The following CELF6 variants were observed in gnomAD, a reference collection of about 807,000 sequenced individuals.
CELF6 encodes CUGBP Elav-like family member 6, also known as Bruno -like 6, RNA binding protein.
Under a neutral mutation model 53.1 loss-of-function variants are expected in CELF6, and 32 were observed. The ratio of observed to expected loss-of-function variants is 0.60; its 90% confidence interval spans 0.46 to 0.81. The LOEUF (loss-of-function observed/expected upper bound fraction) is 0.81. Ranked by LOEUF, CELF6 falls within the 30% of genes least tolerant of loss-of-function variation. The pLI is 0.00. For missense variants in CELF6, 539 were observed against 669.5 expected (o/e 0.81, Z 2.15); for synonymous variants, 291 against 288.8 (o/e 1.01, Z -0.08).
intron 2 of CELF6, among the ~76,000 whole-genome samples, chr15:72,307,192 TCC>T (rs1324537409): frequency 1.3e-5 from 2 of 152,134 alleles, no homozygotes; most frequent in Non-Finnish European, 2.9e-5. Flanking sequence ...GGCAGCTGCC[TCC>T]CTGGCTGGGT....
intron 1 of CELF6, among the ~76,000 whole-genome samples, chr15:72,318,412 C>T (rs750982459): frequency 2.1e-4 from 32 of 152,316 alleles, no homozygotes; most frequent in Middle Eastern, 3.4e-3. Context: ...CCACTCCTCT[C>T]TTAGGAAGAT....
chr15:72,310,348 C>G (rs1286101786), intron 2 of CELF6, among the ~76,000 whole-genome samples: 1 of 152,056 alleles, frequency 6.6e-6, no homozygotes, highest in Admixed American at 6.6e-5. Context: ...CTGTCAAGTC[C>G]CATTGGTTCT....
chr15:72,314,462 G>GTAT (rs2140307062), intron 2 of CELF6, among the ~76,000 whole-genome samples: 1 of 152,074 alleles, frequency 6.6e-6, no homozygotes, highest in African/African-American at 2.4e-5. Context: ...CTAGGTGTTA[G>GTAT]TATAACCCAC....
chr15:72,312,112 C>T (rs1388782359), intron 2 of CELF6, among the ~76,000 whole-genome samples: 1 of 152,070 alleles, frequency 6.6e-6, no homozygotes, highest in African/African-American at 2.4e-5. Flanking sequence ...GAGGCTAGGC[C>T]TCACCCTCTT....
intron 11 of CELF6, 75 bp from the exon 12 acceptor site, chr15:72,287,467 C>T (rs192243214): frequency 1.6e-4 from 255 of 1,561,098 alleles, no homozygotes; most frequent in Non-Finnish European, 1.6e-4. Flanking sequence ...CCAGCCCCCT[C>T]CTCTTCCAGC....
rs1188220792 is a variant in CELF6, at chr15:72,288,743, G to C, written c.1093+125C>G. On this transcript the variant is annotated intron_variant, in intron 9 of 12. Transcript: ENST00000287202. The surrounding 1 kb of genome is among the most constrained non-coding windows in gnomAD (Gnocchi z 4.6). ...CATAACCCTCACCCCAAGAGAGGTCGTTCTGGGGGTAGGAGGGGATGGGAG... is the reference window on the plus strand; with the variant it reads ...CATAACCCTCACCCCAAGAGAGGTCCTTCTGGGGGTAGGAGGGGATGGGAG... The C allele has an allele frequency of 2.2e-6, 3 of 1,344,118 alleles. No individual in the cohort carries two copies. Among genetic ancestry groups the C allele is most frequent in the African/African-American group, 1.4e-5 (1 of 69,170 alleles). The allele number at this position is 1,344,118 out of a possible 1,614,324, so 83.3% of individuals were successfully genotyped here.
At chr15:72,311,568 A>G (rs995707429) in intron 2 of CELF6, among the ~76,000 whole-genome samples, 2 of 149,162 alleles carry the variant, frequency 1.3e-5, no homozygotes, top group African/African-American at 2.5e-5. Flanking sequence ...ACGCCCTGCT[A>G]ATTTTTTGTA....
At chr15:72,308,359 C>T (rs2088256697) in intron 2 of CELF6, among the ~76,000 whole-genome samples, 1 of 152,092 alleles carries the variant, frequency 6.6e-6, no homozygotes. Context: ...TCCCGAGTAG[C>T]TGGGATTACA....
At chr15:72,301,677 C>T (rs988694205) in intron 3 of CELF6, among the ~76,000 whole-genome samples, 4 of 151,484 alleles carry the variant, frequency 2.6e-5, no homozygotes, top group Admixed American at 6.6e-5. Flanking sequence ...CGCTGTTCCA[C>T]GTTGTTGCCA....
chr15:72,318,285 G>A lies in CELF6; in HGVS notation c.262+1328C>T, dbSNP rs563078653. On this transcript the variant is annotated intron_variant, in intron 1 of 12. Transcript: ENST00000287202. ...CTAGCTCTTCTATTGGCATTTTCTC[G>A]AAGTGCCTACATTAGTGTGCCAAGG... is the stretch of plus-strand genomic sequence containing the variant. 4.6e-5 allele frequency among the ~76,000 whole-genome samples: 7 copies of A among 152,224 alleles called. No homozygotes were observed. In the South Asian group the frequency reaches 8.3e-4, roughly 18 times the overall value.
chr15:72,300,725 T>A (rs751305528), intron 3 of CELF6, among the ~76,000 whole-genome samples: 2 of 152,000 alleles, frequency 1.3e-5, no homozygotes, highest in Non-Finnish European at 2.9e-5. Flanking sequence ...TCACAGCTAC[T>A]CAGGAGGCTG....
Position 72,287,344 on chromosome 15 carries a change from G to T in CELF6, c.1367C>A (p.Ala456Glu). 4 of 1,614,050 alleles carry T rather than the reference G, an allele frequency of 2.5e-6. No individual in the cohort carries two copies. Among genetic ancestry groups the T allele is most frequent in the Non-Finnish European group, 2.5e-6 (3 of 1,179,946 alleles). Reference protein sequence around the residue: ...NPTSAQTAIQAMNGFQIGMKR... With the variant: ...NPTSAQTAIQEMNGFQIGMKR... ...CATGCCAATTTGAAAGCCATTCATCGCCTGAATAGCAGTCTGGGCACTAGT... is the reference window on the plus strand; with the variant it reads ...CATGCCAATTTGAAAGCCATTCATCTCCTGAATAGCAGTCTGGGCACTAGT... The change falls in exon 12 of 13, where the codon GCG (alanine) becomes GAG (glutamate). Residue 456 changes from alanine (A) to glutamate (E), a missense_variant. Coordinates refer to ENST00000287202, the MANE Select transcript of CELF6 (RefSeq NM_052840.5).
intron 2 of CELF6, chr15:72,306,079 C>T (rs1175361208): frequency 6.1e-6 from 6 of 984,758 alleles, no homozygotes; most frequent in African/African-American, 3.5e-5. Flanking sequence ...TTCAATATAT[C>T]GCCCCCACAT....
intron 2 of CELF6, chr15:72,306,352 T>A: frequency 1.0e-6 from 1 of 952,490 alleles, no homozygotes. Context: ...TCTGACCCCC[T>A]CCCCTCAGGA....
intron 3 of CELF6, among the ~76,000 whole-genome samples, chr15:72,303,879 A>G (rs2088190136): frequency 1.3e-5 from 2 of 152,046 alleles, no homozygotes; most frequent in Non-Finnish European, 2.9e-5. Flanking sequence ...TTGTTTTGAT[A>G]CAGAGTCATG....
chr15:72,315,946 G>A lies in CELF6; in HGVS notation c.263-19C>T, dbSNP rs1445714238. 1.9e-6 allele frequency: 3 copies of A among 1,567,120 alleles called. No homozygotes were observed. The highest frequency in any genetic ancestry group is 2.6e-6 in the Non-Finnish European group (3 of 1,149,616). ...GCACAGCCTGAGGAGGAAGAGGCTG[G>A]CTCAGGGGGTTTCCTGAAACCCCCA... On this transcript the variant is annotated intron_variant, in intron 1 of 12. Coordinates refer to ENST00000287202, the MANE Select transcript of CELF6 (RefSeq NM_052840.5).
chr15:72,316,498 TC>T, intron 1 of CELF6, among the ~76,000 whole-genome samples: 1 of 152,288 alleles, frequency 6.6e-6, no homozygotes, highest in South Asian at 2.1e-4. Flanking sequence ...TTTAAGGGCT[TC>T]CCATAGGTGG....
intron 2 of CELF6, among the ~76,000 whole-genome samples, chr15:72,314,123 G>A (rs1012770347): frequency 1.3e-5 from 2 of 152,204 alleles, no homozygotes; most frequent in African/African-American, 2.4e-5. Flanking sequence ...GTCCCCAAAA[G>A]TGAGGCTAAA....
chr15:72,296,102 C>A (rs2088074566), intron 3 of CELF6, among the ~76,000 whole-genome samples: 1 of 152,086 alleles, frequency 6.6e-6, no homozygotes, highest in East Asian at 1.9e-4. Flanking sequence ...TGATTTTCAA[C>A]AAGGGAGGCA....
Sources: gnomAD v4.1 joint callset for allele counts (sites outside exome capture counted in the v4.1 genomes callset) on GRCh38, gnomAD v4.1.1 for gene constraint, Gnocchi (gnomAD v3.1) non-coding constraint, MANE v1.5 for transcripts, NCBI Gene and HGNC (gene_info 2026-07-23, HGNC 2026-07-21) for gene names.